The following SLC34A2 variants were observed in gnomAD, a reference collection of about 807,000 sequenced individuals.
SLC34A2 encodes the protein sodium-dependent phosphate transport protein 2B.
In SLC34A2, 41 loss-of-function variants were observed where a neutral mutation model predicts 50.8. That is an observed-to-expected ratio of 0.81 (90% confidence interval 0.63 to 1.05). The LOEUF (loss-of-function observed/expected upper bound fraction) is 1.05. Ranked by LOEUF, SLC34A2 falls within the 50% of genes least tolerant of loss-of-function variation. The probability of loss-of-function intolerance (pLI) is 0.00; values close to 1 mark genes in which losing one functional copy is unlikely to be tolerated. For missense variants in SLC34A2, 879 were observed against 876.7 expected (o/e 1.00, Z -0.03); for synonymous variants, 401 against 364.2 (o/e 1.10, Z -1.15).
intron 7 of SLC34A2, 135 bp downstream of exon 7, chr4:25,669,977 C>A: frequency 1.2e-6 from 1 of 855,826 alleles, no homozygotes; most frequent in Non-Finnish European, 1.9e-6. Flanking sequence ...TTTCCCAGCA[C>A]TTTGGGAGGC....
intron 1 of SLC34A2, 113 bp from the exon 2 acceptor site, chr4:25,662,385 C>G: frequency 2.2e-6 from 2 of 903,814 alleles, no homozygotes; most frequent in Non-Finnish European, 3.5e-6. Flanking sequence ...CTGCCGCCTC[C>G]GGCCGAAACC....
chr4:25,669,244 T>C (rs936179067), intron 6 of SLC34A2, among the ~76,000 whole-genome samples: 3 of 152,212 alleles, frequency 2.0e-5, no homozygotes, highest in African/African-American at 7.2e-5. Context: ...CCCACCGCTT[T>C]GGGGATTTAT....
rs375619028 is a variant in SLC34A2 at position 25,664,207 on chromosome 4, G to T, written c.256G>T (p.Asp86Tyr). ...QDSGIKWSER[D>Y]TKGKILCFFQ... is the part of the protein sequence containing the mutation. The stretch of plus-strand genomic sequence containing the variant: ...CCCATCCCACCCCCCTGCAGAGAGA[G>T]ACACCAAAGGGAAGATTCTCTGTTT... The change falls in exon 4 of 13, where the codon GAC becomes TAC. Residue 86 changes from aspartate to tyrosine, a missense_variant. Coordinates refer to ENST00000382051, the MANE Select transcript of SLC34A2 (RefSeq NM_006424.3). 2 of 1,611,328 alleles carry T rather than the reference G, an allele frequency of 1.2e-6. No individual in the cohort carries two copies. The highest frequency in any genetic ancestry group is 1.3e-5 in the African/African-American group (1 of 74,480).
intron 7 of SLC34A2, among the ~76,000 whole-genome samples, chr4:25,670,298 C>A (rs1714746718): frequency 6.6e-6 from 1 of 152,186 alleles, no homozygotes; most frequent in Non-Finnish European, 1.5e-5. Context: ...ACTTTTGGGC[C>A]ACCTGATAGA....
chr4:25,668,498 C>G, intron 6 of SLC34A2, among the ~76,000 whole-genome samples: 1 of 152,050 alleles, frequency 6.6e-6, no homozygotes, highest in East Asian at 1.9e-4. Flanking sequence ...AAAAATTAGC[C>G]GGCCGTGGTT....
In SLC34A2 at chr4:25,678,737, T is replaced by A; in HGVS notation, c.*1988T>A. The A allele has an allele frequency of 4.2e-6, 2 of 473,054 alleles. No homozygotes were observed. The highest frequency in any genetic ancestry group is 3.8e-6 in the Non-Finnish European group (1 of 260,188). 29.3% of individuals were successfully genotyped at this position (473,054 alleles called of 1,614,324 possible). ...TTATGGGAAGGGAGAAATAAAATCA[T>A]CAAACCCAAAAGGAGTGTGTTGTTT... is the stretch of plus-strand genomic sequence containing the variant. On this transcript the variant is annotated 3_prime_UTR_variant, in exon 13 of 13. Transcript: ENST00000382051.
At chr4:25,666,009 C>T in intron 4 of SLC34A2, 119 bp from the exon 5 acceptor site, 1 of 1,256,432 alleles carries the variant, frequency 8.0e-7, no homozygotes, top group Non-Finnish European at 1.2e-6. Flanking sequence ...GCGATGGAGG[C>T]TGGACTCTGC....
intron 10 of SLC34A2, 121 bp downstream of exon 10, chr4:25,673,375 C>T: frequency 2.0e-6 from 2 of 1,001,936 alleles, no homozygotes; most frequent in Non-Finnish European, 1.5e-6. Flanking sequence ...ATTGGATCAG[C>T]ACCAGAAGTG....
In SLC34A2 at chr4:25,677,020, C is replaced by A. The variant is rs558791284; in HGVS notation, c.*271C>A. ...GAATTAGAGAATGAACCTGGCGGGACGGATGTCTAATCCTGCGCCTAGCTG... is the reference window on the plus strand; with the variant it reads ...GAATTAGAGAATGAACCTGGCGGGAAGGATGTCTAATCCTGCGCCTAGCTG... On this transcript the variant is annotated 3_prime_UTR_variant, in exon 13 of 13. Coordinates refer to ENST00000382051, the MANE Select transcript of SLC34A2 (RefSeq NM_006424.3). 4.8e-4 allele frequency: 242 copies of A among 506,472 alleles called. 4 individuals are homozygous for A. The highest frequency in any genetic ancestry group is 3.8e-3 in the South Asian group (160 of 41,600). The allele number at this position is 506,472 out of a possible 1,614,324, so 31.4% of individuals were successfully genotyped here.
chr4:25,671,860 C>T lies in SLC34A2; in HGVS notation c.1048+139C>T, dbSNP rs1277367480. 3.4e-6 allele frequency: 4 copies of T among 1,184,816 alleles called. No homozygotes were observed. The African/African-American group carries it at 6.0e-5, about 18-fold the overall frequency. The allele number at this position is 1,184,816 out of a possible 1,614,324, so 73.4% of individuals were successfully genotyped here. ...CTGCCCTACATCAAGCAGTGAGCAA[C>T]ATGCTTTCACAGCAGAGGAAACTAT... On this transcript the variant is annotated intron_variant, in intron 9 of 12. Transcript: ENST00000382051.
At chr4:25,671,850 C>T (rs1323422853) in intron 9 of SLC34A2, 129 bp downstream of exon 9, 2 of 1,250,482 alleles carry the variant, frequency 1.6e-6, no homozygotes, top group East Asian at 2.3e-5. Flanking sequence ...CTACATCAAG[C>T]AGTGAGCAAC....
In SLC34A2 at chr4:25,662,622, G is replaced by A. The variant is rs4697597; in HGVS notation, c.112+10G>A. ...AAAGAGACCAACAAAAGTAAGTGTCGCTCGTTTGTCTGCAGATCGGCCTTT... is the reference window on the plus strand; with the variant it reads ...AAAGAGACCAACAAAAGTAAGTGTCACTCGTTTGTCTGCAGATCGGCCTTT... On this transcript the variant is annotated intron_variant, in intron 2 of 12. Transcript: ENST00000382051. The A allele has an allele frequency of 0.047, 75,712 of 1,613,906 alleles. 3,681 individuals carry two copies. Among genetic ancestry groups the A allele is most frequent in the East Asian group, 0.25 (11,264 of 44,834 alleles).
chr4:25,656,335 C>T (rs767006859), intron 1 of SLC34A2: 3 of 152,248 alleles, frequency 2.0e-5, no homozygotes, highest in Non-Finnish European at 4.4e-5. Flanking sequence ...AATGCGACAT[C>T]TCAGGACCAT....
chr4:25,668,578 G>T (rs1714631621), intron 6 of SLC34A2, among the ~76,000 whole-genome samples: 1 of 151,608 alleles, frequency 6.6e-6, no homozygotes, highest in Admixed American at 6.6e-5. Context: ...GGAGGCGGAG[G>T]TTGCAGTGAG....
chr4:25,671,288 G>A (rs1184494649), intron 8 of SLC34A2, among the ~76,000 whole-genome samples: 5 of 152,138 alleles, frequency 3.3e-5, no homozygotes, highest in African/African-American at 7.2e-5. Context: ...AGGCTGCTTT[G>A]CACCTGGGTT....
chr4:25,668,102 G>C lies in SLC34A2; in HGVS notation c.635+111G>C. 8 of 762,326 alleles carry C rather than the reference G, an allele frequency of 1.0e-5. No individual in the cohort carries two copies. In the South Asian group the frequency reaches 1.2e-4, roughly 11 times the overall value. 47.2% of individuals were successfully genotyped at this position (762,326 alleles called of 1,614,324 possible). A position where few individuals can be genotyped will look rare whatever the true frequency, so the allele number is the denominator to read the frequency against. On this transcript the variant is annotated intron_variant, in intron 6 of 12. Transcript: ENST00000382051. Reference sequence around the variant, plus strand: ...GACATGCTTATCAGGTTCATTCCTGGAGTTCCTAGAAGTAACCACAGGGAG... The same window carrying C: ...GACATGCTTATCAGGTTCATTCCTGCAGTTCCTAGAAGTAACCACAGGGAG...
At chr4:25,664,416 C>T (rs1408555317) in intron 4 of SLC34A2, 86 bp downstream of exon 4, 1 of 1,433,858 alleles carries the variant, frequency 7.0e-7, no homozygotes, top group Non-Finnish European at 9.8e-7. Context: ...AAGCCCTCTC[C>T]AGCTGCAGCC....
chr4:25,675,640 C>T (rs1275083387), intron 12 of SLC34A2, among the ~76,000 whole-genome samples: 1 of 152,166 alleles, frequency 6.6e-6, no homozygotes, highest in East Asian at 1.9e-4. Flanking sequence ...TGTCATCTGT[C>T]AAAAATTGAG....
chr4:25,666,186 G>T lies in SLC34A2; in HGVS notation c.438G>T (p.Gly146=), dbSNP rs767213017. The T allele has an allele frequency of 1.2e-6, 2 of 1,613,928 alleles. No homozygotes were observed. The highest frequency in any genetic ancestry group is 1.3e-5 in the African/African-American group (1 of 74,916). Reference sequence around the variant, plus strand: ...CTATTATGTCCAACCCTTTGTTGGGGCTGGTGATCGGGGTGCTGGTGACCG... The same window carrying T: ...CTATTATGTCCAACCCTTTGTTGGGTCTGGTGATCGGGGTGCTGGTGACCG... ...NSSIMSNPLL[G]LVIGVLVTVL... Residue 146 remains glycine (G), a synonymous_variant, in exon 5 of 13, where the codon GGG becomes GGT. Coordinates refer to ENST00000382051, the MANE Select transcript of SLC34A2 (RefSeq NM_006424.3).
Sources: allele counts gnomAD v4.1 joint callset (sites outside exome capture counted in the v4.1 genomes callset), GRCh38; gene constraint gnomAD v4.1.1; transcripts MANE v1.5; gene names NCBI Gene and HGNC (gene_info 2026-07-23, HGNC 2026-07-21).